CALN1: variants seen among roughly 807,000 people sequenced by gnomAD.
The protein encoded by CALN1 is calcium-binding protein 8.
CALN1 carries 17 observed loss-of-function variants against 30.6 expected under a neutral mutation model. The observed-to-expected ratio is 0.56, with a 90% confidence interval of 0.38 to 0.83. CALN1 has a LOEUF of 0.83. Among genes scored for constraint, CALN1 ranks in the 40% least tolerant of loss-of-function variants. The pLI is 0.00. For missense variants in CALN1, 291 were observed against 354.9 expected, an observed-to-expected ratio of 0.82 and a Z score of 1.45; for synonymous variants, 156 against 131.4, an observed-to-expected ratio of 1.19 and a Z score of -1.28.
chr7:71,971,438 G>A (rs890813214), intron 5 of CALN1, among the ~76,000 whole-genome samples: 5 of 152,070 alleles, frequency 3.3e-5, no homozygotes, highest in South Asian at 4.1e-4. Context: ...CAACAAGAGC[G>A]AAACTCTGCC....
chr7:72,079,985 G>A (rs1805021120), intron 4 of CALN1, among the ~76,000 whole-genome samples: 1 of 151,902 alleles, frequency 6.6e-6, no homozygotes, highest in African/African-American at 2.4e-5. Flanking sequence ...TGGCCAGGCT[G>A]GTCTCGAACT....
At chr7:72,404,033 T>A (rs1274429743) in intron 1 of CALN1, among the ~76,000 whole-genome samples, 1 of 152,100 alleles carries the variant, frequency 6.6e-6, no homozygotes, top group African/African-American at 2.4e-5. Context: ...GCATATGGAA[T>A]CTCTAGGTCC....
intron 2 of CALN1, among the ~76,000 whole-genome samples, chr7:72,333,241 G>A (rs1217896312): frequency 1.3e-5 from 2 of 152,164 alleles, no homozygotes; most frequent in Non-Finnish European, 2.9e-5. Flanking sequence ...GTTCACAAAT[G>A]TTCAACCCTA....
chr7:72,360,946 C>G (rs755979735), intron 2 of CALN1, among the ~76,000 whole-genome samples: 1 of 151,830 alleles, frequency 6.6e-6, no homozygotes, highest in African/African-American at 2.4e-5. Flanking sequence ...AGGCTGGTCT[C>G]GAACTCCTGA....
chr7:72,329,997 A>G (rs1377134136), intron 2 of CALN1, among the ~76,000 whole-genome samples: 2 of 148,020 alleles, frequency 1.4e-5, no homozygotes, highest in African/African-American at 5.0e-5. Context: ...AAAAATAAAA[A>G]TACAAAAATT....
chr7:72,139,244 C>A (rs1455428214), intron 3 of CALN1, among the ~76,000 whole-genome samples: 1 of 152,188 alleles, frequency 6.6e-6, no homozygotes, highest in African/African-American at 2.4e-5. Flanking sequence ...GCCATGTACA[C>A]CTTCTTCTAA....
chr7:72,086,645 G>A (rs1223700150), intron 4 of CALN1, among the ~76,000 whole-genome samples: 1 of 152,084 alleles, frequency 6.6e-6, no homozygotes, highest in Non-Finnish European at 1.5e-5. Flanking sequence ...TGTTGGTCAG[G>A]CTTGTCTCAA....
At chr7:72,205,753 A>C (rs1319064369) in intron 3 of CALN1, among the ~76,000 whole-genome samples, 2 of 151,258 alleles carry the variant, frequency 1.3e-5, no homozygotes, top group Non-Finnish European at 2.9e-5. Context: ...AGCATTCCCA[A>C]ATTCAAGTTT....
chr7:72,271,287 G>T (rs979558919), intron 3 of CALN1, among the ~76,000 whole-genome samples: 2 of 152,016 alleles, frequency 1.3e-5, no homozygotes, highest in African/African-American at 4.8e-5. Flanking sequence ...TGCTCGGGCA[G>T]AAGGCAACAA....
At chr7:72,303,120 T>C (rs1377231736) in intron 2 of CALN1, among the ~76,000 whole-genome samples, 1 of 151,370 alleles carries the variant, frequency 6.6e-6, no homozygotes, top group African/African-American at 2.4e-5. Context: ...ATAGACATCA[T>C]CTAAAAAGAA....
At chr7:71,865,432 G>A (rs575065767) in intron 5 of CALN1, among the ~76,000 whole-genome samples, 22 of 152,340 alleles carry the variant, frequency 1.4e-4, no homozygotes, top group African/African-American at 4.6e-4. Context: ...ATGCCGCCAT[G>A]CTTCCTGTAC....
intron 5 of CALN1, among the ~76,000 whole-genome samples, chr7:71,846,082 C>G (rs894599399): frequency 6.6e-6 from 1 of 152,038 alleles, no homozygotes; most frequent in African/African-American, 2.4e-5. Context: ...CACTCTCCTC[C>G]TGGATGTCAT....
chr7:72,169,075 G>C (rs1439031572), intron 3 of CALN1, among the ~76,000 whole-genome samples: 1 of 151,602 alleles, frequency 6.6e-6, no homozygotes, highest in Admixed American at 6.6e-5. Context: ...CAAAGTGCTG[G>C]GACTTCAGGC....
At chr7:71,957,890 C>T (rs1462934748) in intron 5 of CALN1, among the ~76,000 whole-genome samples, 1 of 151,622 alleles carries the variant, frequency 6.6e-6, no homozygotes, top group East Asian at 1.9e-4. Flanking sequence ...CATGATGAAA[C>T]CCCATCTCTA....
At chr7:72,256,367 G>C (rs1408599129) in intron 3 of CALN1, among the ~76,000 whole-genome samples, 4 of 152,062 alleles carry the variant, frequency 2.6e-5, no homozygotes, top group African/African-American at 9.7e-5. Flanking sequence ...GGCTGAGGTA[G>C]GAAGATCACT....
chr7:71,943,589 T>A (rs1159369328), intron 5 of CALN1, among the ~76,000 whole-genome samples: 1 of 138,098 alleles, frequency 7.2e-6, no homozygotes. Flanking sequence ...TACAGGCATG[T>A]GTTATCACAT....
chr7:71,829,745 G>A (rs1173670961), intron 5 of CALN1, among the ~76,000 whole-genome samples: 1 of 152,198 alleles, frequency 6.6e-6, no homozygotes, highest in Admixed American at 6.5e-5. Context: ...ATACCTGGGA[G>A]CTGTTTGCAG....
rs58274123 is a variant in CALN1, at chr7:72,294,750, T to TAATAAATAAATAAATAAATA, written c.120-15960_120-15941dup. On this transcript the variant is annotated intron_variant, in intron 2 of 6. Coordinates refer to ENST00000395275, the MANE Select transcript of CALN1 (RefSeq NM_031468.4). ...ACGACAAAGACTGTCTCTAAAAAAG[T>TAATAAATAAATAAATAAATA]AATAAATAAATAAATAAATAAATAA... 5.0e-3 allele frequency among the ~76,000 whole-genome samples: 743 copies of TAATAAATAAATAAATAAATA among 147,930 alleles called. 8 individuals are homozygous for TAATAAATAAATAAATAAATA. The highest frequency in any genetic ancestry group is 0.017 in the African/African-American group (668 of 39,884).
intron 5 of CALN1, among the ~76,000 whole-genome samples, chr7:71,857,016 A>ATGTGTGTGTGTGTGTGTG (rs200594767): frequency 7.0e-6 from 1 of 142,224 alleles, no homozygotes; most frequent in Non-Finnish European, 1.5e-5. Flanking sequence ...GTGTATATGT[A>ATGTGTGTGTGTGTGTGTG]TGTGTGTGTG....
Sources: allele counts gnomAD v4.1 joint callset (sites outside exome capture counted in the v4.1 genomes callset), GRCh38; gene constraint gnomAD v4.1.1; transcripts MANE v1.5; gene names NCBI Gene and HGNC (gene_info 2026-07-23, HGNC 2026-07-21).